The following CLPX variants were observed in gnomAD, a reference collection of about 807,000 sequenced individuals.
CLPX encodes the protein caseinolytic mitochondrial matrix peptidase chaperone subunit X.
Under a neutral mutation model 76.4 loss-of-function variants are expected in CLPX, and 34 were observed. The observed-to-expected ratio is 0.45, with a 90% CI of 0.34 to 0.59. The LOEUF is 0.59. Among genes scored for constraint, CLPX ranks in the 20% least tolerant of loss-of-function variants. The pLI, the probability that CLPX is intolerant of heterozygous loss-of-function variation, is 0.01. For synonymous variants in CLPX, 248 were observed against 270.9 expected (o/e 0.92, Z 0.83); for missense variants, 613 against 757.0 (o/e 0.81, Z 2.23).
intron 12 of CLPX, 55 bp downstream of exon 12, chr15:65,153,492 A>C (rs1347942076): frequency 1.1e-5 from 12 of 1,071,284 alleles, no homozygotes; most frequent in African/African-American, 3.2e-5. Flanking sequence ...GAAGCTTAAT[A>C]TACTCAAAAC....
intron 9 of CLPX, 120 bp from the exon 10 acceptor site, chr15:65,155,976 G>T (rs2087785111): frequency 2.7e-6 from 2 of 753,696 alleles, no homozygotes; most frequent in African/African-American, 3.6e-5. Context: ...CATACCTAAT[G>T]AAACTCCCAC....
chr15:65,159,901 C>T (rs554494697), intron 6 of CLPX, among the ~76,000 whole-genome samples: 5 of 151,834 alleles, frequency 3.3e-5, no homozygotes, highest in Non-Finnish European at 5.9e-5. Flanking sequence ...CAACCTCCGC[C>T]TCCTGGGTTC....
chr15:65,166,085 A>G (rs564726618), intron 4 of CLPX, among the ~76,000 whole-genome samples: 1 of 152,324 alleles, frequency 6.6e-6, no homozygotes, highest in African/African-American at 2.4e-5. Context: ...TCACAGGACC[A>G]AATCATACTC....
chr15:65,167,020 T>G (rs1414743544), intron 3 of CLPX, among the ~76,000 whole-genome samples: 1 of 152,226 alleles, frequency 6.6e-6, no homozygotes, highest in African/African-American at 2.4e-5. Flanking sequence ...ATATACTTCT[T>G]TAAAAGAAAA....
intron 1 of CLPX, 134 bp downstream of exon 1, chr15:65,184,940 CG>C (rs1234143381): frequency 6.0e-5 from 44 of 739,484 alleles, no homozygotes; most frequent in Non-Finnish European, 1.0e-4. Flanking sequence ...TGGTGGGTGC[CG>C]GGCGAAGCGC....
intron 5 of CLPX, among the ~76,000 whole-genome samples, chr15:65,163,212 T>C (rs2087873444): frequency 6.6e-6 from 1 of 152,078 alleles, no homozygotes. Flanking sequence ...AGACCTTGTC[T>C]TGAAAAAAAG....
chr15:65,178,700 CTT>C (rs35901458), intron 3 of CLPX, among the ~76,000 whole-genome samples: 4 of 134,256 alleles, frequency 3.0e-5, no homozygotes, highest in Non-Finnish European at 3.2e-5. Context: ...CCATACCTGG[CTT>C]TTTTTTTTTT....
chr15:65,172,630 C>A (rs2088026178), intron 3 of CLPX, among the ~76,000 whole-genome samples: 1 of 152,094 alleles, frequency 6.6e-6, no homozygotes, highest in Non-Finnish European at 1.5e-5. Context: ...GAAACTCCGT[C>A]TGGGGGGAAA....
chr15:65,164,460 ATCTT>A (rs1229326916), intron 4 of CLPX, among the ~76,000 whole-genome samples: 4 of 152,322 alleles, frequency 2.6e-5, no homozygotes, highest in African/African-American at 9.6e-5. Context: ...AATGCTATCA[ATCTT>A]TATTTTTTGA....
intron 3 of CLPX, among the ~76,000 whole-genome samples, chr15:65,174,442 T>G (rs2088059640): frequency 6.6e-6 from 1 of 151,268 alleles, no homozygotes; most frequent in Non-Finnish European, 1.5e-5. Flanking sequence ...TTTTTGTGTT[T>G]TTAGTAGAGA....
intron 12 of CLPX, among the ~76,000 whole-genome samples, chr15:65,153,239 T>G (rs772970990): frequency 2.6e-5 from 4 of 151,680 alleles, no homozygotes; most frequent in Non-Finnish European, 5.9e-5. Context: ...CACCTGAGGT[T>G]AGGAGTTTGA....
chr15:65,150,729 T>C lies in CLPX; in HGVS notation c.*94A>G, dbSNP rs938054268. On this transcript the variant is annotated 3_prime_UTR_variant, in exon 14 of 14. Transcript: ENST00000300107. ...CTCTGACCATGTATGATATCCAAGA[T>C]AGATCCAATGCCTTTAATATCAGAC... The C allele has an allele frequency of 2.6e-5, 20 of 775,596 alleles. No homozygotes were observed. Among genetic ancestry groups the C allele is most frequent in the Non-Finnish European group, 3.6e-5 (17 of 474,090 alleles). The allele number at this position is 775,596 out of a possible 1,614,324, so 48.0% of individuals were successfully genotyped here. A position where few individuals can be genotyped will look rare whatever the true frequency, so the allele number is the denominator to read the frequency against.
intron 10 of CLPX, 49 bp from the exon 11 acceptor site, chr15:65,155,130 T>C (rs776160262): frequency 2.7e-6 from 4 of 1,464,778 alleles, no homozygotes; most frequent in Non-Finnish European, 3.8e-6. Context: ...CAAATGATAG[T>C]GTATTAAGTA....
At chr15:65,163,763 C>T (rs1034221558) in intron 5 of CLPX, among the ~76,000 whole-genome samples, 6 of 151,946 alleles carry the variant, frequency 3.9e-5, no homozygotes, top group Non-Finnish European at 8.8e-5. Context: ...CTGGGATTAC[C>T]GGCATAAGCC....
chr15:65,180,967 C>T (rs1006166662), intron 1 of CLPX, among the ~76,000 whole-genome samples: 4 of 150,436 alleles, frequency 2.7e-5, no homozygotes, highest in Non-Finnish European at 5.9e-5. Flanking sequence ...AGGTCAGGCG[C>T]GGTGGCTCAT....
chr15:65,165,367 C>A (rs2087896978), intron 4 of CLPX, among the ~76,000 whole-genome samples: 1 of 144,912 alleles, frequency 6.9e-6, no homozygotes, highest in South Asian at 2.2e-4. Context: ...ATTAGTTAAA[C>A]TGCCTGGATT....
rs577532814 is a variant in CLPX, at chr15:65,181,198, CA to C, written c.80-995del. 5.6e-3 allele frequency among the ~76,000 whole-genome samples: 748 copies of C among 133,986 alleles called. 5 individuals are homozygous for C. The highest frequency in any genetic ancestry group is 0.015 in the African/African-American group (562 of 36,472). The allele number at this position is 133,986 out of a possible 152,430, so 87.9% of individuals were successfully genotyped here. On this transcript the variant is annotated intron_variant, in intron 1 of 13. Transcript: ENST00000300107. ...TGGGCAACAGAGGGAGACTCTGTCT[CA>C]AAAAAAAAAAAAGTTCTTTAAAAAA...
At chr15:65,158,042 A>T (rs1262035520) in intron 7 of CLPX, 132 bp from the exon 8 acceptor site, 1 of 715,162 alleles carries the variant, frequency 1.4e-6, no homozygotes, top group Non-Finnish European at 2.2e-6. Context: ...CTCTGCTATT[A>T]TTTTTTTTAG....
At position 65,155,705 on chromosome 15, in the gene CLPX, C is replaced by T; in HGVS notation, c.1298G>A (p.Arg433Lys). 1 of 1,609,512 alleles carries T rather than the reference C, an allele frequency of 6.2e-7. No homozygotes were observed. The highest frequency in any genetic ancestry group is 8.5e-7 in the Non-Finnish European group (1 of 1,178,114). The change falls in exon 10 of 14, where the codon AGG becomes AAG. Residue 433 changes from arginine to lysine, a missense_variant. Transcript: ENST00000300107. ...FNGLDRIISRRKNEKYLGFGT... is the reference protein window; with the variant it reads ...FNGLDRIISRKKNEKYLGFGT... ...AGAAAAACTTACCTTTTCATTTTTC[C>T]TCCTGCTGATGATTCTGTCTAAACC...
Sources: allele counts gnomAD v4.1 joint callset (sites outside exome capture counted in the v4.1 genomes callset), GRCh38; gene constraint gnomAD v4.1.1; transcripts MANE v1.5; gene names NCBI Gene and HGNC (gene_info 2026-07-23, HGNC 2026-07-21).